LRRC37A2: variants seen among roughly 807,000 people sequenced by gnomAD.
LRRC37A2 encodes leucine-rich repeat-containing protein 37A2.
A neutral mutation model predicts 68.8 loss-of-function variants in LRRC37A2; 9 were observed. The observed-to-expected ratio is 0.13, with a 90% confidence interval of 0.08 to 0.23. The LOEUF is 0.23. Ranked by LOEUF, LRRC37A2 falls within the 10% of genes least tolerant of loss-of-function variation. The probability of loss-of-function intolerance (pLI) is 1.00; values close to 1 mark genes in which losing one functional copy is unlikely to be tolerated. For synonymous variants in LRRC37A2, 63 were observed against 367.6 expected, an observed-to-expected ratio of 0.17 and a Z score of 9.48; for missense variants, 168 against 950.4, an observed-to-expected ratio of 0.18 and a Z score of 10.82.
chr17:46,982,376 A>G, the LRRC37A2 span, among the ~76,000 whole-genome samples: 320 of 152,316 alleles, frequency 2.1e-3, 1 homozygote, highest in African/African-American at 7.4e-3. Context: ...GTGAGTGAGG[A>G]TGCAGAATGG....
the LRRC37A2 span, among the ~76,000 whole-genome samples, chr17:46,790,096 G>A: frequency 7.2e-5 from 11 of 152,194 alleles, no homozygotes; most frequent in African/African-American, 2.4e-5. Flanking sequence ...ATCCCCAGGC[G>A]AGGCAGTCCA....
the LRRC37A2 span, chr17:46,872,442 G>A: frequency 1.4e-6 from 2 of 1,419,380 alleles, no homozygotes; most frequent in Non-Finnish European, 9.3e-7. Flanking sequence ...AGCCCCTGAG[G>A]AGGCCCCTTC....
the LRRC37A2 span, among the ~76,000 whole-genome samples, chr17:46,988,966 CAT>C: frequency 1.3e-5 from 2 of 152,168 alleles, no homozygotes; most frequent in South Asian, 2.1e-4. Flanking sequence ...GAAGACATAA[CAT>C]GTGGGGGGCA....
chr17:46,775,771 G>A, the LRRC37A2 span, among the ~76,000 whole-genome samples: 48 of 151,718 alleles, frequency 3.2e-4, no homozygotes, highest in Admixed American at 1.1e-3. Flanking sequence ...CCACCACCAC[G>A]CCCGGCTAAT....
chr17:46,897,710 G>A, the LRRC37A2 span, among the ~76,000 whole-genome samples: 12 of 151,998 alleles, frequency 7.9e-5, no homozygotes, highest in Non-Finnish European at 1.5e-4. Flanking sequence ...GGCTGGTCTC[G>A]AATTCCAGGG....
At chr17:46,896,981 T>C in the LRRC37A2 span, among the ~76,000 whole-genome samples, 72,986 of 152,074 alleles carry the variant, frequency 0.48, 21,247 homozygotes, top group African/African-American at 0.83. Flanking sequence ...TGCTACAGAC[T>C]GTGACTCTCC....
chr17:46,843,842 CTG>C, the LRRC37A2 span, among the ~76,000 whole-genome samples: 1 of 152,236 alleles, frequency 6.6e-6, no homozygotes, highest in Admixed American at 6.5e-5. Context: ...TCCCAACAAA[CTG>C]TGTGCTCCTC....
the LRRC37A2 span, among the ~76,000 whole-genome samples, chr17:46,386,223 C>T: frequency 1.1e-4 from 13 of 113,806 alleles, no homozygotes; most frequent in South Asian, 3.9e-4. Flanking sequence ...CTCAACCTCC[C>T]GAGTAGCTGG....
At chr17:46,732,751 T>C in the LRRC37A2 span, among the ~76,000 whole-genome samples, 80 of 152,288 alleles carry the variant, frequency 5.3e-4, no homozygotes, top group African/African-American at 1.9e-3. Context: ...GTTCCCTAGG[T>C]CTTTATTTCA....
the LRRC37A2 span, among the ~76,000 whole-genome samples, chr17:46,880,929 C>T: frequency 2.0e-5 from 3 of 152,098 alleles, no homozygotes; most frequent in East Asian, 1.9e-4. Context: ...CAGGGTGGGG[C>T]GGGATGAAGC....
chr17:46,770,131 G>A, the LRRC37A2 span: 9 of 1,450,824 alleles, frequency 6.2e-6, no homozygotes, highest in South Asian at 1.4e-5. Flanking sequence ...GCCAGGACGT[G>A]AGGGGAACGA....
At chr17:46,548,079 CTA>C in intron 9 of LRRC37A2, 1 of 108,556 alleles carries the variant, frequency 9.2e-6, no homozygotes, top group East Asian at 2.2e-4. Context: ...CAGAGTTACT[CTA>C]TGTCACACTA....
At chr17:46,605,427 A>G in the LRRC37A2 span, among the ~76,000 whole-genome samples, 4 of 148,364 alleles carry the variant, frequency 2.7e-5, no homozygotes, top group African/African-American at 7.4e-5. Flanking sequence ...CAGCCTGGGC[A>G]ACAAGAGCAA....
the LRRC37A2 span, among the ~76,000 whole-genome samples, chr17:46,819,893 C>T: frequency 2.6e-5 from 4 of 152,284 alleles, no homozygotes; most frequent in South Asian, 8.3e-4. This position sits in a 1 kb window ranked among gnomAD's most constrained non-coding sequence, Gnocchi z 5.3. Flanking sequence ...CACCTGGGTG[C>T]CTTTCCCTAG....
rs183347689 is a variant in LRRC37A2, at chr17:46,544,961, T to C, written c.3054-1294T>C. On this transcript the variant is annotated intron_variant, in intron 8 of 14. Coordinates refer to ENST00000576629, the Ensembl canonical transcript of LRRC37A2. ...GGCATTTTTTAAGAGTCAAAGATAG[T>C]TGTCTTGTAAATTGTCCCACAATCC... is the stretch of plus-strand genomic sequence containing the variant. Among the ~76,000 whole-genome samples the C allele has an allele frequency of 6.6e-4, 92 of 140,256 alleles. 20 individuals carry two copies. In the East Asian group the frequency reaches 0.014, roughly 22 times the overall value. 92.0% of individuals were successfully genotyped at this position (140,256 alleles called of 152,430 possible).
the LRRC37A2 span, among the ~76,000 whole-genome samples, chr17:46,772,537 CA>C: frequency 6.6e-6 from 1 of 152,260 alleles, no homozygotes; most frequent in Admixed American, 6.5e-5. Context: ...GTTTGAAATG[CA>C]AACCGCCGCC....
chr17:46,758,752 A>T, the LRRC37A2 span, among the ~76,000 whole-genome samples: 33 of 152,236 alleles, frequency 2.2e-4, no homozygotes, highest in Non-Finnish European at 4.0e-4. Context: ...TCACAAAATC[A>T]TGGAGTAGAT....
At chr17:46,940,400 C>A in the LRRC37A2 span, 1 of 1,567,258 alleles carries the variant, frequency 6.4e-7, no homozygotes. Context: ...GGGGTTGCAG[C>A]ATCTTTAGAC....
At chr17:46,797,907 C>G in the LRRC37A2 span, among the ~76,000 whole-genome samples, 775 of 152,214 alleles carry the variant, frequency 5.1e-3, 8 homozygotes, top group African/African-American at 0.017. Context: ...TTCATTTAGG[C>G]ATTATTACCT....
Sources: allele counts gnomAD v4.1 joint callset (sites outside exome capture counted in the v4.1 genomes callset), GRCh38; gene constraint gnomAD v4.1.1; non-coding constraint Gnocchi (gnomAD v3.1); transcripts MANE v1.5; gene names NCBI Gene and HGNC (gene_info 2026-07-23, HGNC 2026-07-21).